The following BTNL9 variants were observed in gnomAD, a reference collection of about 807,000 sequenced individuals.
BTNL9 encodes the protein butyrophilin like 9.
In BTNL9, 45 loss-of-function variants were observed where a neutral mutation model predicts 45.8. The observed-to-expected ratio is 0.98, with a 90% CI of 0.77 to 1.26. The LOEUF is 1.26. Ranked by LOEUF, BTNL9 falls within the 50% of genes most tolerant of loss-of-function variation. The pLI is 0.00. For synonymous variants in BTNL9, 346 were observed against 330.8 expected (o/e 1.05, Z -0.50); for missense variants, 784 against 729.7 (o/e 1.07, Z -0.86).
chr5:181,048,782 TTAATTATATAGTTATATATTATA>T (rs1761345245), intron 3 of BTNL9, among the ~76,000 whole-genome samples: 1 of 110,920 alleles, frequency 9.0e-6, no homozygotes, highest in Non-Finnish European at 1.8e-5. Flanking sequence ...ATGCTATATA[TTAATTATATAGTTATATATTATA>T]TAATTATATT....
chr5:181,040,984 T>C (rs1760748146), intron 1 of BTNL9, among the ~76,000 whole-genome samples: 1 of 152,240 alleles, frequency 6.6e-6, no homozygotes. Flanking sequence ...TTCTGTACTT[T>C]GTTACTAGAG....
chr5:181,040,490 G>C (rs1760720953), intron 1 of BTNL9, 58 bp downstream of exon 1: 1 of 152,204 alleles, frequency 6.6e-6, no homozygotes, highest in African/African-American at 2.4e-5. Context: ...ACGGCAATCA[G>C]AAAATGAAGG....
intron 1 of BTNL9, among the ~76,000 whole-genome samples, chr5:181,041,122 C>T (rs767849999): frequency 6.6e-5 from 10 of 152,182 alleles, no homozygotes; most frequent in Non-Finnish European, 8.8e-5. Context: ...GGTTTCATAA[C>T]GTGGTCATTT....
chr5:181,056,146 T>C (rs1183820569), intron 9 of BTNL9, 131 bp downstream of exon 9: 17 of 1,023,886 alleles, frequency 1.7e-5, no homozygotes, highest in Non-Finnish European at 2.6e-5. Context: ...TGTTAATCTA[T>C]GTCACTGGGT....
rs923674207 is a variant in BTNL9 at position 181,059,645 on chromosome 5, A to G, written c.1391A>G (p.Asn464Ser). The G allele has an allele frequency of 1.9e-6, 3 of 1,613,436 alleles. No homozygotes were observed. The highest frequency in any genetic ancestry group is 2.5e-6 in the Non-Finnish European group (3 of 1,179,928). The change falls in exon 11 of 11, where the codon AAC becomes AGC. Residue 464 changes from asparagine to serine, a missense_variant. Coordinates refer to ENST00000327705, the MANE Select transcript of BTNL9 (RefSeq NM_152547.5). ...DYEAGELSFF[N>S]VSDGSHIFTF... ...GAGGCCGGAGAGCTGTCCTTCTTCAACGTGTCCGACGGCTCCCACATCTTC... is the reference window on the plus strand; with the variant it reads ...GAGGCCGGAGAGCTGTCCTTCTTCAGCGTGTCCGACGGCTCCCACATCTTC...
In BTNL9 at chr5:181,059,532, C is replaced by G; in HGVS notation, c.1278C>G (p.Asn426Lys). The G allele has an allele frequency of 1.2e-6, 2 of 1,607,092 alleles. No homozygotes were observed. The highest frequency in any genetic ancestry group is 1.7e-6 in the Non-Finnish European group (2 of 1,178,630). Residue 426 changes from asparagine (N) to lysine (K), a missense_variant, in exon 11 of 11, where the codon AAC (asparagine) becomes AAG (lysine). Transcript: ENST00000327705. The part of the protein sequence containing the change: ...AAGYWVLGLW[N>K]GCEYFVLAPH... ...GCTACTGGGTGCTGGGGCTGTGGAA[C>G]GGCTGCGAGTACTTCGTCCTGGCCC...
At chr5:181,052,264 T>G (rs1200543097) in intron 4 of BTNL9, among the ~76,000 whole-genome samples, 1 of 152,134 alleles carries the variant, frequency 6.6e-6, no homozygotes, top group Non-Finnish European at 1.5e-5. Context: ...TGGGATTACC[T>G]AGAGGAGTCA....
At chr5:181,041,285 C>T (rs953993074) in intron 1 of BTNL9, among the ~76,000 whole-genome samples, 4 of 152,154 alleles carry the variant, frequency 2.6e-5, no homozygotes, top group South Asian at 2.1e-4. Flanking sequence ...CTGCCAGGTT[C>T]GGAGATGTCC....
Position 181,059,386 on chromosome 5 carries a change from C to G in BTNL9, c.1132C>G (p.Arg378Gly). Residue 378 changes from arginine to glycine, a missense_variant, in exon 11 of 11, where the codon CGG (arginine) becomes GGG (glycine). Coordinates refer to ENST00000327705, the MANE Select transcript of BTNL9 (RefSeq NM_152547.5). ...GCAGACGTGCGCGCTGAGCCTGGAG[C>G]GGTTCTCCGCCGGCCGCCACTACTG... ...SEQTCALSLE[R>G]FSAGRHYWEV... 1 of 1,526,434 alleles carries G rather than the reference C, an allele frequency of 6.6e-7. No homozygotes were observed. Among genetic ancestry groups the G allele is most frequent in the Non-Finnish European group, 8.8e-7 (1 of 1,139,964 alleles). The allele number at this position is 1,526,434 out of a possible 1,614,324, so 94.6% of individuals were successfully genotyped here. A position where few individuals can be genotyped will look rare whatever the true frequency, so the allele number is the denominator to read the frequency against.
At position 181,053,413 on chromosome 5, in the gene BTNL9, G is replaced by A. The variant is rs1179906999; in HGVS notation, c.854-56G>A. On this transcript the variant is annotated intron_variant, in intron 5 of 10. Transcript: ENST00000327705. The surrounding 1 kb of genome is among the most constrained non-coding windows in gnomAD (Gnocchi z 6.5). ...CCCCCAGGACGCGGCGCGGGAAGGCGGCCTGGAAGGGGCGGGGGCGCGCAC... is the reference window on the plus strand; with the variant it reads ...CCCCCAGGACGCGGCGCGGGAAGGCAGCCTGGAAGGGGCGGGGGCGCGCAC... 13 of 1,541,892 alleles carry A rather than the reference G, an allele frequency of 8.4e-6. No homozygotes were observed. Among genetic ancestry groups the A allele is most frequent in the Admixed American group, 2.0e-5 (1 of 50,228 alleles).
chr5:181,045,435 C>T (rs963595198), intron 1 of BTNL9, 32 bp from the exon 2 acceptor site: 13 of 1,173,116 alleles, frequency 1.1e-5, no homozygotes, highest in Admixed American at 3.4e-5. Flanking sequence ...TACCTTTGCA[C>T]GTCGCTCCAG....
intron 3 of BTNL9, among the ~76,000 whole-genome samples, chr5:181,049,523 G>A (rs150044547): frequency 2.1e-3 from 317 of 152,316 alleles, no homozygotes; most frequent in African/African-American, 7.4e-3. Context: ...AACATAGGAA[G>A]GATAAACTAG....
intron 3 of BTNL9, among the ~76,000 whole-genome samples, chr5:181,048,607 G>A (rs1230626750): frequency 6.6e-6 from 1 of 151,078 alleles, no homozygotes; most frequent in African/African-American, 2.4e-5. Flanking sequence ...GTGTGGTGGT[G>A]CGTGCCTGTA....
In BTNL9 at chr5:181,053,784, A is replaced by C; in HGVS notation, c.886+283A>C. 2.6e-6 allele frequency: 4 copies of C among 1,523,528 alleles called. No individual in the cohort carries two copies. Among genetic ancestry groups the C allele is most frequent in the Non-Finnish European group, 3.5e-6 (4 of 1,138,618 alleles). The allele number at this position is 1,523,528 out of a possible 1,614,324, so 94.4% of individuals were successfully genotyped here. Reference sequence around the variant, plus strand: ...CTCGGAGCTTCACATCACACTGTACAGAGGGAGCGGTGACCAGGGTCTCTG... The same window carrying C: ...CTCGGAGCTTCACATCACACTGTACCGAGGGAGCGGTGACCAGGGTCTCTG... On this transcript the variant is annotated intron_variant, in intron 6 of 10. Transcript: ENST00000327705. The surrounding 1 kb of genome is among the most constrained non-coding windows in gnomAD (Gnocchi z 6.5).
rs1213094058 is a variant in BTNL9 at position 181,056,012 on chromosome 5, G to A, written c.952G>A (p.Ala318Thr). The A allele has an allele frequency of 6.2e-7, 1 of 1,614,160 alleles. No homozygotes were observed. The highest frequency in any genetic ancestry group is 1.1e-5 in the South Asian group (1 of 91,080). ...AGACTGGAGACGGGCTGAAGGCCAG[G>A]CTGGTGAGTGGAACCCATCTCTCTC... ...ELDWRRAEGQ[A>T]EWRAAQKYAV... The change falls in exon 9 of 11, where the codon GCT (alanine) becomes ACT (threonine). Residue 318 changes from alanine to threonine, a missense_variant. Coordinates refer to ENST00000327705, the MANE Select transcript of BTNL9 (RefSeq NM_152547.5).
In BTNL9 at chr5:181,050,290, G is replaced by A. The variant is rs761808236; in HGVS notation, c.657G>A (p.Ala219=). 9.9e-6 allele frequency: 16 copies of A among 1,614,124 alleles called. No homozygotes were observed. The highest frequency in any genetic ancestry group is 2.2e-5 in the South Asian group (2 of 91,072). ...TGGAAACATCTGTGGTTGTCCGAGC[G>A]GGAGCCCTCAGCAATGTGTCCGTCT... ...FSLETSVVVR[A]GALSNVSVSI... Residue 219 remains alanine, a synonymous_variant, in exon 4 of 11, where the codon GCG becomes GCA. Coordinates refer to ENST00000327705, the MANE Select transcript of BTNL9 (RefSeq NM_152547.5). The surrounding 1 kb of genome is among the most constrained non-coding windows in gnomAD (Gnocchi z 4.9).
chr5:181,047,143 G>C (rs1761225715), intron 2 of BTNL9, among the ~76,000 whole-genome samples: 1 of 152,108 alleles, frequency 6.6e-6, no homozygotes, highest in Non-Finnish European at 1.5e-5. Flanking sequence ...CCAGAGAGAA[G>C]AGTGAGTGCC....
chr5:181,046,602 T>A (rs1301957290), intron 2 of BTNL9, among the ~76,000 whole-genome samples: 2 of 151,982 alleles, frequency 1.3e-5, no homozygotes, highest in Non-Finnish European at 2.9e-5. Context: ...TCTTCAGCAG[T>A]CTGTAGTCAA....
rs201962783 is a variant in BTNL9 at position 181,059,581 on chromosome 5, C to T, written c.1327C>T (p.Arg443Cys). ...CCCGCACCGCGTCGCGCTCACCCTG[C>T]GCGTGCCCCCGCGGCGCCTGGGCGT... ...LAPHRVALTL[R>C]VPPRRLGVFL... Residue 443 changes from arginine (R) to cysteine (C), a missense_variant, in exon 11 of 11, where the codon CGC becomes TGC. Arg to Cys is a radical substitution (Grantham distance 180). Coordinates refer to ENST00000327705, the MANE Select transcript of BTNL9 (RefSeq NM_152547.5). 4 of 1,612,624 alleles carry T rather than the reference C, an allele frequency of 2.5e-6. No homozygotes were observed. In the African/African-American group the frequency reaches 5.3e-5, roughly 22 times the overall value.
Sources: allele counts gnomAD v4.1 joint callset (sites outside exome capture counted in the v4.1 genomes callset), GRCh38; gene constraint gnomAD v4.1.1; non-coding constraint Gnocchi (gnomAD v3.1); transcripts MANE v1.5; gene names NCBI Gene and HGNC (gene_info 2026-07-23, HGNC 2026-07-21).